Variants in SRRM4 observed in about 807,000 individuals in gnomAD.
SRRM4 encodes serine/arginine repetitive matrix 4, also known as serine/arginine repetitive matrix protein 4.
In SRRM4, 33 loss-of-function variants were observed where a neutral mutation model predicts 68.9. The ratio of observed to expected loss-of-function variants is 0.48; its 90% CI spans 0.36 to 0.64. The LOEUF (loss-of-function observed/expected upper bound fraction) is 0.64. Among genes scored for constraint, SRRM4 ranks in the 30% least tolerant of loss-of-function variants. The pLI, the probability that SRRM4 is intolerant of heterozygous loss-of-function variation, is 0.00. For missense variants in SRRM4, 817 were observed against 827.1 expected (o/e 0.99, Z 0.15); for synonymous variants, 318 against 318.8 (o/e 1.00, Z 0.03).
chr12:119,095,333 G>A (rs944923792), intron 1 of SRRM4, among the ~76,000 whole-genome samples: 1 of 152,148 alleles, frequency 6.6e-6, no homozygotes, highest in Admixed American at 6.5e-5. Flanking sequence ...ATTCTCTATT[G>A]AAACAGGCAG....
intron 1 of SRRM4, among the ~76,000 whole-genome samples, chr12:119,030,510 G>T (rs1406465960): frequency 1.4e-5 from 2 of 145,648 alleles, no homozygotes; most frequent in African/African-American, 5.1e-5. Flanking sequence ...ACAAAAAAAA[G>T]TCTGTTGTCA....
chr12:119,069,236 C>T (rs995906940), intron 1 of SRRM4, among the ~76,000 whole-genome samples: 11 of 152,184 alleles, frequency 7.2e-5, no homozygotes, highest in African/African-American at 2.4e-4. Context: ...CTGCCCCTGG[C>T]TGGGCGTGAG....
At chr12:119,117,595 T>TGC (rs781349790) in intron 4 of SRRM4, among the ~76,000 whole-genome samples, 10 of 115,488 alleles carry the variant, frequency 8.7e-5, no homozygotes, top group Non-Finnish European at 2.0e-4. Flanking sequence ...GTGTTCACTG[T>TGC]GCACACACAC....
chr12:119,075,306 GA>G (rs1197153982), intron 1 of SRRM4, among the ~76,000 whole-genome samples: 4 of 152,098 alleles, frequency 2.6e-5, no homozygotes, highest in Non-Finnish European at 4.4e-5. Context: ...ATAATTTTCT[GA>G]TATTAATAAC....
intron 9 of SRRM4, among the ~76,000 whole-genome samples, chr12:119,147,036 A>G (rs947859887): frequency 2.6e-5 from 4 of 152,240 alleles, no homozygotes; most frequent in Admixed American, 6.5e-5. Flanking sequence ...TTTATTTGTA[A>G]TTGCTAAAAC....
chr12:119,138,126 G>T (rs1181674320), intron 8 of SRRM4, among the ~76,000 whole-genome samples: 1 of 152,086 alleles, frequency 6.6e-6, no homozygotes, highest in African/African-American at 2.4e-5. Flanking sequence ...AGCTGTAATT[G>T]CTCTCAGCTG....
In SRRM4 at chr12:118,982,548, C is replaced by T. The variant is rs116567738; in HGVS notation, c.131+535C>T. ...AGCACCCTCCTCCACGCCTTTCTGG[C>T]GGCTGCTGCCGCTGCTGCTGAATTC... On this transcript the variant is annotated intron_variant, in intron 1 of 12. Coordinates refer to ENST00000267260, the MANE Select transcript of SRRM4 (RefSeq NM_194286.4). Among the ~76,000 whole-genome samples, 503 of 152,268 alleles carry T rather than the reference C, an allele frequency of 3.3e-3. 3 individuals carry two copies. Among genetic ancestry groups the T allele is most frequent in the African/African-American group, 0.011 (475 of 41,546 alleles).
At chr12:119,065,650 G>A (rs1016548088) in intron 1 of SRRM4, among the ~76,000 whole-genome samples, 7 of 152,154 alleles carry the variant, frequency 4.6e-5, no homozygotes, top group African/African-American at 7.2e-5. Flanking sequence ...CAGGAGAATC[G>A]CTTGAACCCA....
intron 2 of SRRM4, among the ~76,000 whole-genome samples, chr12:119,109,341 G>T (rs1416635287): frequency 2.6e-5 from 4 of 152,156 alleles, no homozygotes; most frequent in Non-Finnish European, 5.9e-5. Context: ...GGCGTTCTCT[G>T]TATTTCCTGA....
rs969283577 is a variant in SRRM4, at chr12:118,981,817, C to T, written c.-66C>T. ...AGAGCCGGGAGCTGGGTGTCGCCCC[C>T]GTTTGGAATCCACGTTTCAGCACTT... On this transcript the variant is annotated 5_prime_UTR_variant, in exon 1 of 13. Transcript: ENST00000267260. 7 of 1,557,026 alleles carry T rather than the reference C, an allele frequency of 4.5e-6. No homozygotes were observed. Among genetic ancestry groups the T allele is most frequent in the Admixed American group, 3.6e-5 (2 of 54,800 alleles).
At chr12:119,138,120 G>C (rs557662301) in intron 8 of SRRM4, among the ~76,000 whole-genome samples, 1 of 152,162 alleles carries the variant, frequency 6.6e-6, no homozygotes, top group African/African-American at 2.4e-5. Flanking sequence ...AGGGGCAGCT[G>C]TAATTGCTCT....
In SRRM4 at chr12:119,062,000, G is replaced by A. The variant is rs192239332; in HGVS notation, c.132-40236G>A. ...TACATTCTGAAGTATGCATTGTTAT[G>A]CAAACATCATAGAGTGTACTTACAC... is the stretch of plus-strand genomic sequence containing the variant. On this transcript the variant is annotated intron_variant, in intron 1 of 12. Transcript: ENST00000267260. Among the ~76,000 whole-genome samples, 692 of 152,270 alleles carry A rather than the reference G, an allele frequency of 4.5e-3. 3 individuals are homozygous for A. The highest frequency in any genetic ancestry group is 7.4e-3 in the Non-Finnish European group (503 of 68,032).
chr12:119,095,348 T>C (rs1954037157), intron 1 of SRRM4, among the ~76,000 whole-genome samples: 1 of 152,120 alleles, frequency 6.6e-6, no homozygotes, highest in South Asian at 2.1e-4. Context: ...AGGCAGAGTG[T>C]GGGTGTCTGG....
chr12:119,006,030 AT>A (rs1953413854), intron 1 of SRRM4, among the ~76,000 whole-genome samples: 1 of 152,322 alleles, frequency 6.6e-6, no homozygotes, highest in Non-Finnish European at 1.5e-5. Flanking sequence ...AAGATAATGG[AT>A]TTGAATGAGA....
chr12:119,026,710 G>A (rs940913), intron 1 of SRRM4, among the ~76,000 whole-genome samples: 41,986 of 151,704 alleles, frequency 0.28, 6,068 homozygotes, highest in Non-Finnish European at 0.31. Flanking sequence ...CACCTCACCC[G>A]GCTAATTTTT....
At chr12:119,040,860 C>T (rs908660780) in intron 1 of SRRM4, among the ~76,000 whole-genome samples, 5 of 152,096 alleles carry the variant, frequency 3.3e-5, no homozygotes, top group African/African-American at 1.2e-4. Flanking sequence ...AGCAATTCTC[C>T]TGCCTCAGCC....
intron 1 of SRRM4, among the ~76,000 whole-genome samples, chr12:118,984,665 C>T (rs1953271381): frequency 6.6e-6 from 1 of 152,208 alleles, no homozygotes; most frequent in South Asian, 2.1e-4. Flanking sequence ...ATGCATACAT[C>T]ATGCAACTGC....
intron 1 of SRRM4, among the ~76,000 whole-genome samples, chr12:119,014,366 A>AT (rs544911619): frequency 1.9e-3 from 285 of 152,204 alleles, no homozygotes; most frequent in Middle Eastern, 0.01. Context: ...TTAAAACGGG[A>AT]TTTTATCTCC....
At chr12:119,014,191 G>A (rs138681030) in intron 1 of SRRM4, among the ~76,000 whole-genome samples, 1 of 152,076 alleles carries the variant, frequency 6.6e-6, no homozygotes, top group East Asian at 1.9e-4. Flanking sequence ...CCGTTTAATA[G>A]AATTTGATTA....
Sources: allele counts gnomAD v4.1 joint callset (sites outside exome capture counted in the v4.1 genomes callset), GRCh38; gene constraint gnomAD v4.1.1; transcripts MANE v1.5; gene names NCBI Gene and HGNC (gene_info 2026-07-23, HGNC 2026-07-21).